Variants in MYO16 observed in about 807,000 individuals in gnomAD.
MYO16 encodes myosin XVI.
A neutral mutation model predicts 205.3 loss-of-function variants in MYO16; 94 were observed. That is an observed-to-expected ratio of 0.46 (90% CI 0.39 to 0.54). MYO16 has a LOEUF of 0.54. Ranked by LOEUF, MYO16 falls within the 20% of genes least tolerant of loss-of-function variation. The pLI, the probability that MYO16 is intolerant of heterozygous loss-of-function variation, is 0.00. For synonymous variants in MYO16, 988 were observed against 954.0 expected, an observed-to-expected ratio of 1.04 and a Z score of -0.66; for missense variants, 2,315 against 2,387.5, an observed-to-expected ratio of 0.97 and a Z score of 0.63.
At chr13:108,684,835 C>T (rs2139478713) in intron 2 of MYO16, among the ~76,000 whole-genome samples, 1 of 152,294 alleles carries the variant, frequency 6.6e-6, no homozygotes, top group East Asian at 1.9e-4. Flanking sequence ...GTGAGGGCCG[C>T]CTGGTGAGCC....
intron 13 of MYO16, among the ~76,000 whole-genome samples, chr13:108,887,134 AT>A (rs1879938957): frequency 6.6e-6 from 1 of 152,194 alleles, no homozygotes; most frequent in Non-Finnish European, 1.5e-5. Context: ...TAGTCCTGGA[AT>A]GGATGTCCCA....
At chr13:108,699,007 G>T (rs1422394486) in intron 2 of MYO16, among the ~76,000 whole-genome samples, 5 of 151,858 alleles carry the variant, frequency 3.3e-5, no homozygotes, top group African/African-American at 1.2e-4. Context: ...TTAGCCTTAA[G>T]GAGTGGGCAG....
At chr13:108,951,829 G>A (rs970123010) in intron 16 of MYO16, among the ~76,000 whole-genome samples, 5 of 152,152 alleles carry the variant, frequency 3.3e-5, no homozygotes, top group African/African-American at 1.2e-4. Context: ...TCGGCCTGGC[G>A]TGGTGGCGCA....
intron 27 of MYO16, among the ~76,000 whole-genome samples, chr13:109,097,097 A>G (rs1345401412): frequency 6.6e-6 from 1 of 152,234 alleles, no homozygotes; most frequent in East Asian, 1.9e-4. Context: ...TGGGAGGCCA[A>G]GGCGGGTGGA....
intron 31 of MYO16, among the ~76,000 whole-genome samples, chr13:109,136,585 A>G (rs1175376920): frequency 2.0e-5 from 3 of 152,152 alleles, no homozygotes; most frequent in Non-Finnish European, 4.4e-5. Flanking sequence ...CTGCCTGGAA[A>G]TCTCCTTAGC....
intron 16 of MYO16, among the ~76,000 whole-genome samples, chr13:108,928,847 C>T (rs184873726): frequency 2.6e-5 from 4 of 152,242 alleles, no homozygotes; most frequent in South Asian, 4.1e-4. Context: ...ATTTCAGACA[C>T]GTGCAGTACA....
At chr13:109,166,218 G>A (rs1878653486) in intron 33 of MYO16, among the ~76,000 whole-genome samples, 1 of 152,150 alleles carries the variant, frequency 6.6e-6, no homozygotes, top group South Asian at 2.1e-4. Flanking sequence ...AGCCCCCCAC[G>A]AAATAAAACA....
intron 1 of MYO16, among the ~76,000 whole-genome samples, chr13:108,641,737 A>T (rs1880512596): frequency 1.3e-5 from 2 of 152,168 alleles, no homozygotes. Flanking sequence ...GCAGGGCAAC[A>T]TTTTGCTTCA....
rs1328312810 is a variant in MYO16, at chr13:108,858,424, G to A, written c.1359+2871G>A. Among the ~76,000 whole-genome samples the A allele has an allele frequency of 1.1e-4, 17 of 152,214 alleles. No individual in the cohort carries two copies. The South Asian group carries it at 2.9e-3, about 26-fold the overall frequency. On this transcript the variant is annotated intron_variant, in intron 11 of 34. Coordinates refer to ENST00000457511, the MANE Select transcript of MYO16 (RefSeq NM_001198950.3). ...TCATTTGAGCTCTTCCAACCTGCAC[G>A]TCTCATGGCCTTTCCTCCCTGGCTC... is the stretch of plus-strand genomic sequence containing the variant.
intron 28 of MYO16, among the ~76,000 whole-genome samples, chr13:109,114,735 G>C (rs1251074290): frequency 1.3e-5 from 2 of 152,086 alleles, no homozygotes; most frequent in East Asian, 3.9e-4. Flanking sequence ...TGTTTTAATT[G>C]ACGTGTCCTT....
chr13:109,008,933 T>C lies in MYO16; in HGVS notation c.2479T>C (p.Tyr827His). ...CATGACCAATGAGAAGATGCACCAC[T>C]ATATCAATGAAGTGCTTTTTCTCCA... is the stretch of plus-strand genomic sequence containing the variant. The part of the protein sequence containing the change: ...VNMTNEKMHH[Y>H]INEVLFLHEQ... The change falls in exon 22 of 35, where the codon TAT becomes CAT. Residue 827 changes from tyrosine to histidine, a missense_variant. Physicochemically the swap from Tyr to His is moderately conservative, Grantham distance 83. Coordinates refer to ENST00000457511, the MANE Select transcript of MYO16 (RefSeq NM_001198950.3). 6.2e-7 allele frequency: 1 copy of C among 1,613,242 alleles called. No homozygotes were observed. Among genetic ancestry groups the C allele is most frequent in the South Asian group, 1.1e-5 (1 of 90,810 alleles).
At chr13:108,937,904 A>G (rs1882562164) in intron 16 of MYO16, among the ~76,000 whole-genome samples, 1 of 152,106 alleles carries the variant, frequency 6.6e-6, no homozygotes, top group African/African-American at 2.4e-5. Flanking sequence ...TTTGTTAGGG[A>G]CCATTGATGG....
At chr13:108,694,077 A>G (rs1882999805) in intron 2 of MYO16, among the ~76,000 whole-genome samples, 1 of 152,226 alleles carries the variant, frequency 6.6e-6, no homozygotes, top group South Asian at 2.1e-4. Context: ...TTCATGGTGT[A>G]CATGTACCAT....
chr13:108,658,922 T>C (rs868498806), intron 1 of MYO16, among the ~76,000 whole-genome samples: 2 of 152,194 alleles, frequency 1.3e-5, no homozygotes, highest in South Asian at 2.1e-4. Flanking sequence ...CTCTTAGTAA[T>C]GTTTTGCCTC....
Position 109,207,017 on chromosome 13 carries a change from T to G in MYO16, c.*181T>G, listed in dbSNP as rs903190967. 1.2e-5 allele frequency: 7 copies of G among 564,858 alleles called. No homozygotes were observed. The highest frequency in any genetic ancestry group is 1.1e-4 in the African/African-American group (6 of 52,436). The allele number at this position is 564,858 out of a possible 1,614,324, so 35.0% of individuals were successfully genotyped here. On this transcript the variant is annotated 3_prime_UTR_variant, in exon 35 of 35. Coordinates refer to ENST00000457511, the MANE Select transcript of MYO16 (RefSeq NM_001198950.3). ...GTGTGTGTGTGTGTTTGTGTGTGTG[T>G]GTGTGGGTTCTTTCTTATCCATCTC...
intron 4 of MYO16, among the ~76,000 whole-genome samples, chr13:108,736,443 C>T (rs1286756179): frequency 6.6e-6 from 1 of 152,112 alleles, no homozygotes; most frequent in Non-Finnish European, 1.5e-5. Context: ...TGTCAAAGAT[C>T]AGATGGTTGT....
intron 25 of MYO16, among the ~76,000 whole-genome samples, chr13:109,053,412 C>G (rs533503224): frequency 6.6e-4 from 101 of 152,086 alleles, no homozygotes; most frequent in Non-Finnish European, 1.0e-3. Flanking sequence ...GAATTAGTCT[C>G]TGCCACATAG....
intron 4 of MYO16, among the ~76,000 whole-genome samples, chr13:108,731,507 T>C (rs910229445): frequency 1.3e-5 from 2 of 152,180 alleles, no homozygotes; most frequent in Non-Finnish European, 1.5e-5. Flanking sequence ...CTGATGAGTT[T>C]GCTTTTCCTT....
chr13:108,935,819 G>A (rs7987515), intron 16 of MYO16, among the ~76,000 whole-genome samples: 11,329 of 145,610 alleles, frequency 0.078, 617 homozygotes, highest in African/African-American at 0.16. Flanking sequence ...TTTCTTGAGG[G>A]TTTTTTTTTT....
Sources: gnomAD v4.1 joint callset for allele counts (sites outside exome capture counted in the v4.1 genomes callset) on GRCh38, gnomAD v4.1.1 for gene constraint, MANE v1.5 for transcripts, NCBI Gene and HGNC (gene_info 2026-07-23, HGNC 2026-07-21) for gene names.